The following HS6ST3 variants were observed in gnomAD, a reference collection of about 807,000 sequenced individuals.
The protein encoded by HS6ST3 is heparan sulfate 6-O-sulfotransferase 3.
Under a neutral mutation model 36.7 loss-of-function variants are expected in HS6ST3, and 12 were observed. The observed-to-expected ratio is 0.33, with a 90% CI of 0.21 to 0.53. The LOEUF (loss-of-function observed/expected upper bound fraction) is 0.53. Ranked by LOEUF, HS6ST3 falls within the 20% of genes least tolerant of loss-of-function variation. HS6ST3 has a pLI of 0.95. For missense variants in HS6ST3, 584 were observed against 640.9 expected, an observed-to-expected ratio of 0.91 and a Z score of 0.96; for synonymous variants, 240 against 257.5, an observed-to-expected ratio of 0.93 and a Z score of 0.65.
chr13:96,378,311 A>G (rs2055324307), intron 1 of HS6ST3, among the ~76,000 whole-genome samples: 1 of 152,166 alleles, frequency 6.6e-6, no homozygotes, highest in Non-Finnish European at 1.5e-5. Context: ...CAAAGCCCTC[A>G]CTAAAATGAG....
At chr13:96,596,682 A>G (rs1188095471) in intron 1 of HS6ST3, among the ~76,000 whole-genome samples, 1 of 152,182 alleles carries the variant, frequency 6.6e-6, no homozygotes, top group Non-Finnish European at 1.5e-5. Context: ...TCAAAAAAGA[A>G]CAGATGATGG....
chr13:96,832,235 C>T (rs917473734), intron 1 of HS6ST3, among the ~76,000 whole-genome samples: 2 of 152,266 alleles, frequency 1.3e-5, no homozygotes, highest in South Asian at 4.2e-4. Flanking sequence ...AATGAACTAT[C>T]TATTCTTTCC....
intron 1 of HS6ST3, among the ~76,000 whole-genome samples, chr13:96,168,799 G>A (rs955481972): frequency 3.3e-5 from 5 of 152,038 alleles, no homozygotes; most frequent in Admixed American, 3.3e-4. Context: ...TAGACTCAGG[G>A]TACATGTGCA....
intron 1 of HS6ST3, among the ~76,000 whole-genome samples, chr13:96,191,105 C>T (rs1184751440): frequency 6.6e-6 from 1 of 152,188 alleles, no homozygotes. Flanking sequence ...CTGTGACTTT[C>T]TGTTTCCAAA....
At position 96,360,945 on chromosome 13, in the gene HS6ST3, C is replaced by CCAAAAA. The variant is rs1555300658; in HGVS notation, c.707+269376_707+269377insCAAAAA. On this transcript the variant is annotated intron_variant, in intron 1 of 1. Coordinates refer to ENST00000376705, the MANE Select transcript of HS6ST3 (RefSeq NM_153456.4). ...TGGACGACAGAGCAAGACCCTGTCC[C>CCAAAAA]AAAAAAAAAAAAAAAAAATGCAGGA... Among the ~76,000 whole-genome samples, 7 of 130,878 alleles carry CCAAAAA rather than the reference C, an allele frequency of 5.3e-5. 2 individuals are homozygous for CCAAAAA. Among genetic ancestry groups the CCAAAAA allele is most frequent in the Non-Finnish European group, 3.2e-5 (2 of 62,542 alleles). The allele number at this position is 130,878 out of a possible 152,430, so 85.9% of individuals were successfully genotyped here.
chr13:96,678,341 C>G (rs540809549), intron 1 of HS6ST3, among the ~76,000 whole-genome samples: 9 of 152,168 alleles, frequency 5.9e-5, no homozygotes, highest in Admixed American at 2.0e-4. Flanking sequence ...GGGACACATT[C>G]AAACCAAGAC....
intron 1 of HS6ST3, chr13:96,574,216 C>T: frequency 2.0e-6 from 1 of 494,178 alleles, no homozygotes; most frequent in Non-Finnish European, 4.1e-6. Flanking sequence ...TCCATACTAA[C>T]TTTGAGGATG....
At chr13:96,250,746 C>T (rs886691762) in intron 1 of HS6ST3, among the ~76,000 whole-genome samples, 4 of 152,136 alleles carry the variant, frequency 2.6e-5, no homozygotes, top group South Asian at 2.1e-4. Flanking sequence ...GACTAGATAC[C>T]GGCAGTACGT....
intron 1 of HS6ST3, among the ~76,000 whole-genome samples, chr13:96,439,458 A>G (rs1430975377): frequency 6.6e-6 from 1 of 152,242 alleles, no homozygotes; most frequent in Non-Finnish European, 1.5e-5. Flanking sequence ...AGCAATTCAA[A>G]TAAATTAATT....
chr13:96,642,955 T>C (rs2056575381), intron 1 of HS6ST3, among the ~76,000 whole-genome samples: 1 of 151,976 alleles, frequency 6.6e-6, no homozygotes, highest in Non-Finnish European at 1.5e-5. Flanking sequence ...TCTCCTTTCT[T>C]GTTTCTTTGC....
chr13:96,744,891 C>T (rs932814048), intron 1 of HS6ST3, among the ~76,000 whole-genome samples: 5 of 152,054 alleles, frequency 3.3e-5, no homozygotes, highest in Admixed American at 3.3e-4. Context: ...TTTCACAATT[C>T]TCAAGTCCAA....
intron 1 of HS6ST3, among the ~76,000 whole-genome samples, chr13:96,471,382 C>CT (rs1414852888): frequency 4.6e-5 from 7 of 152,186 alleles, no homozygotes; most frequent in Non-Finnish European, 1.0e-4. Flanking sequence ...CTCCAGTCCT[C>CT]TATGCTGGGG....
intron 1 of HS6ST3, among the ~76,000 whole-genome samples, chr13:96,299,215 A>G (rs960798625): frequency 3.9e-5 from 6 of 152,218 alleles, no homozygotes; most frequent in Admixed American, 2.0e-4. Flanking sequence ...TAAAGCAACA[A>G]TGAAAATATG....
chr13:96,503,497 T>A (rs2104633), intron 1 of HS6ST3, among the ~76,000 whole-genome samples: 120,980 of 152,070 alleles, frequency 0.8, 49,763 homozygotes, highest in Non-Finnish European at 0.9. Flanking sequence ...TCATGACATG[T>A]CATATTCCTG....
chr13:96,155,289 CA>C (rs2054105131), intron 1 of HS6ST3, among the ~76,000 whole-genome samples: 1 of 152,064 alleles, frequency 6.6e-6, no homozygotes, highest in Admixed American at 6.6e-5. Context: ...CCTCTTTCTA[CA>C]TTCTTTAAAT....
intron 1 of HS6ST3, among the ~76,000 whole-genome samples, chr13:96,152,861 A>G (rs1201667237): frequency 6.6e-6 from 1 of 152,048 alleles, no homozygotes; most frequent in Non-Finnish European, 1.5e-5. Context: ...CACAATTCTC[A>G]TACACAAATT....
At chr13:96,813,693 T>C (rs1183920121) in intron 1 of HS6ST3, among the ~76,000 whole-genome samples, 1 of 152,190 alleles carries the variant, frequency 6.6e-6, no homozygotes, top group East Asian at 1.9e-4. Context: ...CAATGTAGCA[T>C]AGACTTTTGA....
At chr13:96,734,274 A>G (rs1013536314) in intron 1 of HS6ST3, among the ~76,000 whole-genome samples, 2 of 152,248 alleles carry the variant, frequency 1.3e-5, no homozygotes, top group African/African-American at 4.8e-5. Flanking sequence ...GCTACAAGGA[A>G]TAAAGAAAAA....
intron 1 of HS6ST3, among the ~76,000 whole-genome samples, chr13:96,369,109 T>A (rs759300301): frequency 2.6e-5 from 4 of 151,552 alleles, no homozygotes; most frequent in African/African-American, 4.9e-5. Flanking sequence ...TGAGGGGAGG[T>A]TGCGTACCGA....
Sources: allele counts gnomAD v4.1 joint callset (sites outside exome capture counted in the v4.1 genomes callset), GRCh38; gene constraint gnomAD v4.1.1; transcripts MANE v1.5; gene names NCBI Gene and HGNC (gene_info 2026-07-23, HGNC 2026-07-21).